KDM4C: variants seen among roughly 807,000 people sequenced by gnomAD.
KDM4C encodes lysine demethylase 4C.
KDM4C carries 81 observed loss-of-function variants against 129.3 expected under a neutral mutation model. That is an observed-to-expected ratio of 0.63 (90% CI 0.52 to 0.75). The LOEUF (loss-of-function observed/expected upper bound fraction) is 0.75, where lower values mean the gene tolerates loss of function less well. Ranked by LOEUF, KDM4C falls within the 30% of genes least tolerant of loss-of-function variation. The probability of loss-of-function intolerance (pLI) is 0.00; values close to 1 mark genes in which losing one functional copy is unlikely to be tolerated. For synonymous variants in KDM4C, 573 were observed against 456.1 expected, an observed-to-expected ratio of 1.26 and a Z score of -3.26; for missense variants, 1,457 against 1,304.0, an observed-to-expected ratio of 1.12 and a Z score of -1.81.
At chr9:6,772,921 C>A (rs557182120) in intron 1 of KDM4C, among the ~76,000 whole-genome samples, 1 of 151,554 alleles carries the variant, frequency 6.6e-6, no homozygotes, top group South Asian at 2.1e-4. Flanking sequence ...GTCCCGAACT[C>A]TTGACCGCAG....
chr9:6,928,090 A>G lies in KDM4C; in HGVS notation c.921+34858A>G, dbSNP rs576222538. ...TTTTTTAGCCCACTCCAGTTGGGCTATCAAACAGCTTTTATCAAGGTCGTC... is the reference window on the plus strand; with the variant it reads ...TTTTTTAGCCCACTCCAGTTGGGCTGTCAAACAGCTTTTATCAAGGTCGTC... On this transcript the variant is annotated intron_variant, in intron 8 of 21. Transcript: ENST00000381309. 9.2e-5 allele frequency among the ~76,000 whole-genome samples: 14 copies of G among 152,282 alleles called. No homozygotes were observed. In the South Asian group the frequency reaches 2.5e-3, roughly 27 times the overall value.
At chr9:6,722,514 T>C (rs867606428) in intron 1 of KDM4C, among the ~76,000 whole-genome samples, 20 of 131,688 alleles carry the variant, frequency 1.5e-4, no homozygotes, top group African/African-American at 5.2e-4. Context: ...CCTATGTCTA[T>C]ATATTTTTTT....
intron 5 of KDM4C, among the ~76,000 whole-genome samples, chr9:6,867,409 T>C (rs533734255): frequency 4.6e-5 from 7 of 152,338 alleles, no homozygotes; most frequent in African/African-American, 1.7e-4. Flanking sequence ...GAAACCACAA[T>C]TGATATTTGA....
chr9:6,790,740 A>G (rs974608249), intron 1 of KDM4C, among the ~76,000 whole-genome samples: 8 of 149,976 alleles, frequency 5.3e-5, no homozygotes, highest in African/African-American at 7.4e-5. Flanking sequence ...CCAGGTCCTA[A>G]TGGATTTAGA....
At chr9:6,833,407 C>T (rs1269619149) in intron 4 of KDM4C, among the ~76,000 whole-genome samples, 2 of 152,038 alleles carry the variant, frequency 1.3e-5, no homozygotes, top group African/African-American at 2.4e-5. Context: ...AGGGAAGTTT[C>T]TCCCTCCCTG....
intron 4 of KDM4C, among the ~76,000 whole-genome samples, chr9:6,824,841 T>C (rs1221000685): frequency 2.0e-5 from 3 of 151,954 alleles, no homozygotes; most frequent in Non-Finnish European, 4.4e-5. Context: ...ATCTCTTATG[T>C]CTAGCTCAAT....
chr9:7,001,340 A>G (rs1026977071), intron 12 of KDM4C, among the ~76,000 whole-genome samples: 1 of 152,226 alleles, frequency 6.6e-6, no homozygotes, highest in Non-Finnish European at 1.5e-5. Flanking sequence ...TTACATAAAT[A>G]TTTCCATAGT....
chr9:7,071,974 G>T (rs1420635597), intron 17 of KDM4C, among the ~76,000 whole-genome samples: 1 of 151,984 alleles, frequency 6.6e-6, no homozygotes, highest in Non-Finnish European at 1.5e-5. Flanking sequence ...AACAATAAAA[G>T]AACCTTATAA....
intron 21 of KDM4C, 127 bp downstream of exon 21, chr9:7,170,017 A>G (rs376855786): frequency 1.8e-5 from 28 of 1,549,352 alleles, no homozygotes; most frequent in Non-Finnish European, 2.3e-5. Flanking sequence ...CCAATGCAAC[A>G]TTTTCCTTAG....
intron 18 of KDM4C, among the ~76,000 whole-genome samples, chr9:7,111,322 C>T (rs1025116703): frequency 3.9e-5 from 6 of 152,174 alleles, no homozygotes; most frequent in Non-Finnish European, 7.3e-5. Context: ...CTCATTTAAG[C>T]ATTTCAGAAT....
chr9:7,061,820 A>G (rs1404537933), intron 17 of KDM4C, among the ~76,000 whole-genome samples: 4 of 152,178 alleles, frequency 2.6e-5, no homozygotes, highest in Non-Finnish European at 1.5e-5. Flanking sequence ...GCCTAATTTC[A>G]TAGACTGAAG....
intron 4 of KDM4C, among the ~76,000 whole-genome samples, chr9:6,816,407 C>A (rs1832095652): frequency 6.6e-6 from 1 of 151,754 alleles, no homozygotes; most frequent in South Asian, 2.1e-4. Context: ...TATAGGCTCC[C>A]CTTTTCCTCC....
intron 4 of KDM4C, chr9:6,835,622 T>C: frequency 1.2e-6 from 1 of 828,550 alleles, no homozygotes. Flanking sequence ...TGACAAAACC[T>C]GACTTGTGCA....
chr9:6,951,649 A>G (rs908215145), intron 8 of KDM4C, among the ~76,000 whole-genome samples: 7 of 152,226 alleles, frequency 4.6e-5, no homozygotes, highest in African/African-American at 1.4e-4. Context: ...TAACAGGACA[A>G]TTACCCATGG....
intron 1 of KDM4C, among the ~76,000 whole-genome samples, chr9:6,739,549 A>G (rs1286895420): frequency 2.0e-5 from 3 of 152,130 alleles, no homozygotes. Context: ...GTAAAGTAGC[A>G]TTAAATGTGG....
At chr9:7,165,491 A>G (rs1844286694) in intron 20 of KDM4C, 134 bp downstream of exon 20, 1 of 1,023,626 alleles carries the variant, frequency 9.8e-7, no homozygotes, top group Admixed American at 2.4e-5. Context: ...GGAGGCAAAG[A>G]TTCAATGTGT....
chr9:6,855,652 TTCCTG>T (rs536894003), intron 5 of KDM4C, among the ~76,000 whole-genome samples: 53 of 152,202 alleles, frequency 3.5e-4, no homozygotes, highest in African/African-American at 1.3e-3. Flanking sequence ...CCCCTATCTC[TTCCTG>T]TCCTTTCTCC....
At chr9:6,928,412 C>T (rs1429942954) in intron 8 of KDM4C, among the ~76,000 whole-genome samples, 1 of 152,156 alleles carries the variant, frequency 6.6e-6, no homozygotes. Flanking sequence ...GCATGTATCT[C>T]TTGTCCAGAA....
rs547836340 is a variant in KDM4C at position 6,962,834 on chromosome 9, AAAG to A, written c.922-18088_922-18086del. On this transcript the variant is annotated intron_variant, in intron 8 of 21. Coordinates refer to ENST00000381309, the MANE Select transcript of KDM4C (RefSeq NM_015061.6). ...TCATGTAATTACTCAATTACTAAAA[AAAG>A]AAATCAACATCAAGAATCAAGTACT... Among the ~76,000 whole-genome samples the A allele has an allele frequency of 5.4e-3, 830 of 152,330 alleles. 7 individuals carry two copies. The highest frequency in any genetic ancestry group is 0.017 in the African/African-American group (726 of 41,580).
Sources: gnomAD v4.1 joint callset for allele counts (sites outside exome capture counted in the v4.1 genomes callset) on GRCh38, gnomAD v4.1.1 for gene constraint, MANE v1.5 for transcripts, NCBI Gene and HGNC (gene_info 2026-07-23, HGNC 2026-07-21) for gene names.